C1orf94: variants seen among roughly 807,000 people sequenced by gnomAD.
The protein encoded by C1orf94 is chromosome 1 open reading frame 94.
Under a neutral mutation model 53.6 loss-of-function variants are expected in C1orf94, and 45 were observed. The ratio of observed to expected loss-of-function variants is 0.84; its 90% CI spans 0.66 to 1.08. The LOEUF (loss-of-function observed/expected upper bound fraction) is 1.08, where lower values mean the gene tolerates loss of function less well. Ranked by LOEUF, C1orf94 falls within the 50% of genes least tolerant of loss-of-function variation. The pLI, the probability that C1orf94 is intolerant of heterozygous loss-of-function variation, is 0.00. For missense variants in C1orf94, 762 were observed against 738.9 expected, an observed-to-expected ratio of 1.03 and a Z score of -0.36; for synonymous variants, 304 against 296.1, an observed-to-expected ratio of 1.03 and a Z score of -0.27.
At chr1:34,182,413 A>AG (rs1642324346) in intron 1 of C1orf94, among the ~76,000 whole-genome samples, 1 of 152,138 alleles carries the variant, frequency 6.6e-6, no homozygotes, top group Admixed American at 6.5e-5. Context: ...GTTTTTAGGA[A>AG]GGGGTGTGAC....
upstream of C1orf94, among the ~76,000 whole-genome samples, chr1:34,176,543 G>A (rs535838598): frequency 6.6e-5 from 10 of 152,146 alleles, no homozygotes; most frequent in South Asian, 2.1e-3. Context: ...AGAGTGCTGG[G>A]GTCTGAGTCT....
intron 1 of C1orf94, among the ~76,000 whole-genome samples, chr1:34,196,973 C>A (rs1642597304): frequency 6.6e-6 from 1 of 152,204 alleles, no homozygotes; most frequent in Non-Finnish European, 1.5e-5. Flanking sequence ...CTTGCCCCAG[C>A]TCACTCAGCA....
chr1:34,167,765 G>C (rs1055055439), intron 1 of C1orf94, among the ~76,000 whole-genome samples: 1 of 152,086 alleles, frequency 6.6e-6, no homozygotes, highest in African/African-American at 2.4e-5. Flanking sequence ...CTGAAGAACC[G>C]GCATGCTACC....
chr1:34,211,098 A>G (rs994071524), intron 5 of C1orf94, among the ~76,000 whole-genome samples: 1 of 152,126 alleles, frequency 6.6e-6, no homozygotes, highest in South Asian at 2.1e-4. Flanking sequence ...TACTCCCCTC[A>G]GTACACAAGA....
At chr1:34,182,780 G>A (rs996962512) in intron 1 of C1orf94, among the ~76,000 whole-genome samples, 1 of 152,092 alleles carries the variant, frequency 6.6e-6, no homozygotes, top group African/African-American at 2.4e-5. Context: ...ACTCAAGGTG[G>A]GGAGTGTAGG....
At chr1:34,206,147 G>A (rs1035793819) in intron 4 of C1orf94, among the ~76,000 whole-genome samples, 10 of 152,138 alleles carry the variant, frequency 6.6e-5, no homozygotes, top group African/African-American at 2.2e-4. Flanking sequence ...GTGTGGGATG[G>A]TGGAGGCTGG....
exon 1 of C1orf94, chr1:34,167,130 C>A (rs1304506516): frequency 1.3e-5 from 2 of 152,418 alleles, no homozygotes; most frequent in African/African-American, 2.4e-5. Context: ...CTCAGCCTTC[C>A]CACCAGCCCT....
chr1:34,218,705 G>T lies in C1orf94; in HGVS notation c.1741G>T (p.Gly581Trp). The change falls in exon 7 of 7, where the codon GGG (glycine) becomes TGG (tryptophan). Residue 581 changes from glycine (G) to tryptophan (W), a missense_variant. Physicochemically the swap from Gly to Trp is radical, Grantham distance 184. Coordinates refer to ENST00000488417, the MANE Select transcript of C1orf94 (RefSeq NM_001134734.2). ...QGYGFGSTSG[G>W]PLMHSPYFSS... ...TTCCAGGTTCGGCTCGACATCCGGA[G>T]GGCCCTTGATGCACAGCCCCTATTT... is the stretch of plus-strand genomic sequence containing the variant. 1 of 1,612,136 alleles carries T rather than the reference G, an allele frequency of 6.2e-7. No homozygotes were observed. The highest frequency in any genetic ancestry group is 1.1e-5 in the South Asian group (1 of 90,760).
intron 1 of C1orf94, among the ~76,000 whole-genome samples, chr1:34,187,963 A>T (rs188284940): frequency 1.4e-3 from 215 of 152,242 alleles, no homozygotes; most frequent in Non-Finnish European, 1.8e-3. Flanking sequence ...CTAGAGGGAC[A>T]TTCTCACCTG....
At chr1:34,209,285 AACACACACACACAC>A (rs59376155) in intron 5 of C1orf94, among the ~76,000 whole-genome samples, 1 of 143,624 alleles carries the variant, frequency 7.0e-6, no homozygotes, top group Non-Finnish European at 1.5e-5. Context: ...GAGAAATGCA[AACACACACACACAC>A]ACACACACAC....
At chr1:34,187,726 C>T (rs1251321308) in intron 1 of C1orf94, among the ~76,000 whole-genome samples, 3 of 149,448 alleles carry the variant, frequency 2.0e-5, no homozygotes, top group Non-Finnish European at 4.4e-5. Flanking sequence ...GTATTTATTC[C>T]CTGGTATTTC....
chr1:34,191,695 G>A (rs946241372), intron 1 of C1orf94, among the ~76,000 whole-genome samples: 2 of 151,976 alleles, frequency 1.3e-5, no homozygotes, highest in Non-Finnish European at 2.9e-5. Flanking sequence ...TATTTGTTTT[G>A]GTATCCTCCT....
chr1:34,212,528 G>A (rs1405502924), intron 6 of C1orf94, 122 bp downstream of exon 6: 11 of 1,002,708 alleles, frequency 1.1e-5, no homozygotes, highest in Non-Finnish European at 1.3e-5. Context: ...GGTGGGATGG[G>A]CCCTGTACCT....
intron 1 of C1orf94, among the ~76,000 whole-genome samples, chr1:34,188,416 G>A (rs1642421191): frequency 1.3e-5 from 2 of 152,202 alleles, no homozygotes; most frequent in Non-Finnish European, 2.9e-5. Flanking sequence ...TGAACATAAA[G>A]TCCAGGCTTG....
intron 5 of C1orf94, among the ~76,000 whole-genome samples, chr1:34,210,380 G>A (rs1031837002): frequency 2.0e-5 from 3 of 152,318 alleles, no homozygotes; most frequent in African/African-American, 4.8e-5. Context: ...GGGGAAGACC[G>A]GGAGGGAGGA....
intron 1 of C1orf94, among the ~76,000 whole-genome samples, chr1:34,178,785 G>C (rs1642269948): frequency 6.6e-6 from 1 of 152,226 alleles, no homozygotes; most frequent in Non-Finnish European, 1.5e-5. Context: ...GGAAAGGAAG[G>C]AGCAGAGAGG....
At chr1:34,207,259 C>T (rs1048970911) in intron 4 of C1orf94, among the ~76,000 whole-genome samples, 2 of 102,970 alleles carry the variant, frequency 1.9e-5, no homozygotes, top group Non-Finnish European at 3.8e-5. Flanking sequence ...AGCAGTTCTG[C>T]GGGGTGTGTG....
intron 1 of C1orf94, among the ~76,000 whole-genome samples, chr1:34,194,114 T>C (rs887627803): frequency 6.6e-6 from 1 of 152,222 alleles, no homozygotes; most frequent in Non-Finnish European, 1.5e-5. Flanking sequence ...TTCTTCATTG[T>C]TCTGGATGCC....
At chr1:34,195,027 G>A (rs1409999459) in intron 1 of C1orf94, among the ~76,000 whole-genome samples, 2 of 152,138 alleles carry the variant, frequency 1.3e-5, no homozygotes, top group African/African-American at 4.8e-5. Context: ...AGCCGGGAAA[G>A]TGAGGCCTAT....
Sources: gnomAD v4.1 joint callset for allele counts (sites outside exome capture counted in the v4.1 genomes callset) on GRCh38, gnomAD v4.1.1 for gene constraint, MANE v1.5 for transcripts, NCBI Gene and HGNC (gene_info 2026-07-23, HGNC 2026-07-21) for gene names.